Variants in COPG2 observed in about 807,000 individuals in gnomAD.
COPG2 encodes coatomer subunit gamma-2.
Under a neutral mutation model 46.3 loss-of-function variants are expected in COPG2, and 37 were observed. The ratio of observed to expected loss-of-function variants is 0.80; its 90% CI spans 0.61 to 1.05. COPG2 has a LOEUF of 1.05. Ranked by LOEUF, COPG2 falls within the 50% of genes least tolerant of loss-of-function variation. The pLI, the probability that COPG2 is intolerant of heterozygous loss-of-function variation, is 0.00. For missense variants in COPG2, 427 were observed against 387.8 expected, an observed-to-expected ratio of 1.10 and a Z score of -0.85; for synonymous variants, 159 against 129.7, an observed-to-expected ratio of 1.23 and a Z score of -1.53.
chr7:130,637,742 T>C (rs1795372316), intron 5 of COPG2, among the ~76,000 whole-genome samples: 1 of 152,200 alleles, frequency 6.6e-6, no homozygotes, highest in Non-Finnish European at 1.5e-5. Context: ...GTCAAACTCA[T>C]TATCTGTCCA....
rs1256679825 is a variant in COPG2, at chr7:130,611,030, T to C, written c.660A>G (p.Lys220=). ...AAGCAAACTGTGACTTGAGACCAGA[T>C]TTAGTAAACTTATTCAACATCTTGG... is the stretch of plus-strand genomic sequence containing the variant. ...AVSKMLNKFT[K]SGLKSQFAYC... The change falls in exon 9 of 24, where the codon AAA becomes AAG. Residue 220 remains lysine (K), a synonymous_variant. Coordinates refer to ENST00000425248, the MANE Select transcript of COPG2 (RefSeq NM_012133.6). The C allele has an allele frequency of 3.1e-6, 5 of 1,613,798 alleles. No individual in the cohort carries two copies. The highest frequency in any genetic ancestry group is 4.2e-6 in the Non-Finnish European group (5 of 1,179,848).
intron 15 of COPG2, 147 bp downstream of exon 15, chr7:130,552,208 G>A: frequency 2.6e-6 from 1 of 389,400 alleles, no homozygotes; most frequent in Non-Finnish European, 4.5e-6. Flanking sequence ...ACTAAAAAGA[G>A]AAAGGAATTG....
At chr7:130,552,695 CCCA>C (rs1285983224) in intron 14 of COPG2, among the ~76,000 whole-genome samples, 147 of 152,168 alleles carry the variant, frequency 9.7e-4, no homozygotes, top group African/African-American at 3.2e-3. Flanking sequence ...ATATCTCCAC[CCCA>C]CCACAACCCC....
chr7:130,511,339 G>T (rs1554440977), intron 20 of COPG2: 8 of 501,288 alleles, frequency 1.6e-5, no homozygotes, highest in Non-Finnish European at 3.2e-5. Flanking sequence ...CAGGCTAACT[G>T]CAGCAGTCTA....
Position 130,513,695 on chromosome 7 carries a change from G to A in COPG2, c.2150-5036C>T, listed in dbSNP as rs548208930. ...GGATTCTTGCCATAGGCAGTGGCAG[G>A]AACCCTATGAAGGTCTGGAATGAAC... On this transcript the variant is annotated intron_variant, in intron 20 of 23. Coordinates refer to ENST00000425248, the MANE Select transcript of COPG2 (RefSeq NM_012133.6). Among the ~76,000 whole-genome samples the A allele has an allele frequency of 2.6e-4, 39 of 152,266 alleles. No individual in the cohort carries two copies. The East Asian group carries it at 7.3e-3, about 29-fold the overall frequency.
At chr7:130,586,495 C>T (rs939963787) in intron 9 of COPG2, among the ~76,000 whole-genome samples, 7 of 152,162 alleles carry the variant, frequency 4.6e-5, no homozygotes, top group Admixed American at 4.6e-4. Flanking sequence ...CAGAGTCTCG[C>T]TGTGTTGCCC....
At chr7:130,508,289 CATT>C (rs1396964770) in intron 21 of COPG2, 3 of 319,228 alleles carry the variant, frequency 9.4e-6, no homozygotes, top group Non-Finnish European at 1.7e-5. Context: ...AAAATCATGT[CATT>C]ATTTTCATCT....
intron 20 of COPG2, among the ~76,000 whole-genome samples, chr7:130,518,521 C>T (rs1403036425): frequency 1.3e-5 from 2 of 151,914 alleles, no homozygotes; most frequent in Non-Finnish European, 2.9e-5. Context: ...CAAGAGTATA[C>T]CTTGAGAAGA....
At chr7:130,612,294 G>A in intron 7 of COPG2, 56 bp from the exon 8 acceptor site, 1 of 1,076,038 alleles carries the variant, frequency 9.3e-7, no homozygotes, top group South Asian at 1.7e-5. Context: ...TAGAAGCTTA[G>A]AAACATGAGT....
chr7:130,613,903 A>G (rs901357237), intron 6 of COPG2, among the ~76,000 whole-genome samples: 4 of 152,226 alleles, frequency 2.6e-5, no homozygotes, highest in African/African-American at 9.6e-5. Context: ...CAAAATGGAG[A>G]ATCTCAGTTT....
At position 130,602,323 on chromosome 7, in the gene COPG2, A is replaced by G. The variant is rs187698567; in HGVS notation, c.737+8630T>C. On this transcript the variant is annotated intron_variant, in intron 9 of 23. Coordinates refer to ENST00000425248, the MANE Select transcript of COPG2 (RefSeq NM_012133.6). ...TTCTTCGACATTTTGAAAGCTTTACATTCAATTTACATTCTTTATATAATT... is the reference window on the plus strand; with the variant it reads ...TTCTTCGACATTTTGAAAGCTTTACGTTCAATTTACATTCTTTATATAATT... Among the ~76,000 whole-genome samples, 266 of 152,154 alleles carry G rather than the reference A, an allele frequency of 1.7e-3. 2 individuals are homozygous for G. The highest frequency in any genetic ancestry group is 2.3e-3 in the Non-Finnish European group (158 of 67,994).
chr7:130,579,510 A>G (rs1794088996), intron 9 of COPG2, among the ~76,000 whole-genome samples: 1 of 151,492 alleles, frequency 6.6e-6, no homozygotes, highest in Non-Finnish European at 1.5e-5. Context: ...ATTAACTTTA[A>G]ATGTAAATGG....
At chr7:130,549,817 A>G (rs963261875) in intron 17 of COPG2, among the ~76,000 whole-genome samples, 119,062 of 144,246 alleles carry the variant, frequency 0.83, 46,971 homozygotes, top group Non-Finnish European at 0.87. Flanking sequence ...AAGTTTTAAG[A>G]TTAGATATTC....
intron 1 of COPG2, 41 bp downstream of exon 1, chr7:130,668,591 G>T: frequency 1.3e-6 from 2 of 1,491,272 alleles, no homozygotes; most frequent in Non-Finnish European, 1.8e-6. Context: ...GGGAAGGGGC[G>T]TCCCGCGGCT....
At chr7:130,658,316 C>T (rs1292732824) in intron 4 of COPG2, among the ~76,000 whole-genome samples, 3 of 152,150 alleles carry the variant, frequency 2.0e-5, no homozygotes, top group East Asian at 3.9e-4. Flanking sequence ...TGATATCATT[C>T]ATATGACTTC....
At chr7:130,512,846 T>C in intron 20 of COPG2, among the ~76,000 whole-genome samples, 1 of 152,212 alleles carries the variant, frequency 6.6e-6, no homozygotes, top group Non-Finnish European at 1.5e-5. Context: ...TAGAAGTTAC[T>C]CTGCTATGTG....
In COPG2 at chr7:130,515,494, G is replaced by T. The variant is rs946782125; in HGVS notation, c.2150-6835C>A. On this transcript the variant is annotated intron_variant, in intron 20 of 23. Transcript: ENST00000425248. ...CCTCCAACACTGGGGATGACAGTTC[G>T]ACATGAGATTTGAGTAGGGATACAG... Among the ~76,000 whole-genome samples, 156 of 152,276 alleles carry T rather than the reference G, an allele frequency of 1.0e-3. 1 individual carries two copies. The highest frequency in any genetic ancestry group is 3.4e-3 in the Middle Eastern group (1 of 294).
intron 21 of COPG2, 27 bp downstream of exon 21, chr7:130,508,535 G>GA (rs782643628): frequency 8.6e-5 from 65 of 755,952 alleles, no homozygotes; most frequent in Non-Finnish European, 1.5e-4. Flanking sequence ...AGGTGTCAAA[G>GA]AAAGTCTCTA....
At chr7:130,587,889 A>G (rs1296756680) in intron 9 of COPG2, among the ~76,000 whole-genome samples, 3 of 152,104 alleles carry the variant, frequency 2.0e-5, no homozygotes, top group Admixed American at 6.6e-5. Flanking sequence ...TTTGCAACCT[A>G]CTCATCTGAC....
Sources: allele counts gnomAD v4.1 joint callset (sites outside exome capture counted in the v4.1 genomes callset), GRCh38; gene constraint gnomAD v4.1.1; transcripts MANE v1.5; gene names NCBI Gene and HGNC (gene_info 2026-07-23, HGNC 2026-07-21).